Variants in CTNNA3 observed in about 807,000 individuals in gnomAD.
CTNNA3 encodes the protein catenin alpha-3.
Under a neutral mutation model 95.7 loss-of-function variants are expected in CTNNA3, and 76 were observed. The ratio of observed to expected loss-of-function variants is 0.79; its 90% CI spans 0.66 to 0.96. CTNNA3 has a LOEUF of 0.96. Ranked by LOEUF, CTNNA3 falls within the 40% of genes least tolerant of loss-of-function variation. The pLI is 0.00. For missense variants in CTNNA3, 1,191 were observed against 1,089.8 expected, an observed-to-expected ratio of 1.09 and a Z score of -1.31; for synonymous variants, 431 against 374.4, an observed-to-expected ratio of 1.15 and a Z score of -1.74.
intron 13 of CTNNA3, among the ~76,000 whole-genome samples, chr10:66,264,636 C>T (rs971590686): frequency 6.6e-6 from 1 of 151,916 alleles, no homozygotes; most frequent in Admixed American, 6.6e-5. Context: ...TTACATGGCA[C>T]ATCTCATTTC....
At chr10:67,173,568 C>G (rs901530678) in intron 7 of CTNNA3, among the ~76,000 whole-genome samples, 2 of 152,156 alleles carry the variant, frequency 1.3e-5, no homozygotes, top group African/African-American at 2.4e-5. Flanking sequence ...CAAGTCTGTT[C>G]TAGTGTATAT....
chr10:66,976,640 T>A (rs1047298861), intron 7 of CTNNA3, among the ~76,000 whole-genome samples: 1 of 152,208 alleles, frequency 6.6e-6, no homozygotes, highest in African/African-American at 2.4e-5. Context: ...TCAATACTAA[T>A]CAAACTTACT....
intron 7 of CTNNA3, among the ~76,000 whole-genome samples, chr10:67,133,257 G>A (rs993059734): frequency 1.0e-4 from 15 of 145,974 alleles, no homozygotes; most frequent in African/African-American, 3.5e-4. Flanking sequence ...ATATATGCTT[G>A]ATACCTAAAT....
chr10:67,230,539 T>G (rs553912416), intron 5 of CTNNA3, among the ~76,000 whole-genome samples: 7 of 152,088 alleles, frequency 4.6e-5, no homozygotes, highest in Non-Finnish European at 7.4e-5. Context: ...TCACAATCCG[T>G]AATCTGACAA....
At chr10:67,274,875 GAAC>G (rs1245876459) in intron 5 of CTNNA3, among the ~76,000 whole-genome samples, 1 of 151,912 alleles carries the variant, frequency 6.6e-6, no homozygotes, top group Non-Finnish European at 1.5e-5. Flanking sequence ...AATCAGATTT[GAAC>G]AACATGATTA....
At chr10:67,603,310 A>G (rs1169292644) in intron 3 of CTNNA3, among the ~76,000 whole-genome samples, 2 of 152,218 alleles carry the variant, frequency 1.3e-5, no homozygotes, top group Admixed American at 1.3e-4. Flanking sequence ...AGATGCGTAC[A>G]TGACGGTGGT....
At chr10:66,018,080 A>T (rs2079128886) in intron 15 of CTNNA3, among the ~76,000 whole-genome samples, 1 of 151,970 alleles carries the variant, frequency 6.6e-6, no homozygotes, top group Admixed American at 6.6e-5. Flanking sequence ...AACAAGTGTG[A>T]CATGATCGAA....
At chr10:66,424,208 AT>A (rs893260855) in intron 11 of CTNNA3, among the ~76,000 whole-genome samples, 12 of 152,214 alleles carry the variant, frequency 7.9e-5, no homozygotes, top group Non-Finnish European at 1.8e-4. Context: ...AAAAAAAATT[AT>A]TCAGTCCTGC....
At chr10:66,279,463 G>T (rs2091456662) in intron 13 of CTNNA3, among the ~76,000 whole-genome samples, 1 of 152,080 alleles carries the variant, frequency 6.6e-6, no homozygotes, top group African/African-American at 2.4e-5. Context: ...GGCCACAAAA[G>T]CTTGATTGGC....
chr10:66,868,803 G>A (rs939385186), intron 7 of CTNNA3, among the ~76,000 whole-genome samples: 7 of 151,522 alleles, frequency 4.6e-5, no homozygotes, highest in Non-Finnish European at 1.0e-4. Flanking sequence ...AACTTACTGT[G>A]AGCATAGAGG....
chr10:66,701,641 A>G (rs1303251411), intron 9 of CTNNA3, among the ~76,000 whole-genome samples: 1 of 152,200 alleles, frequency 6.6e-6, no homozygotes, highest in Non-Finnish European at 1.5e-5. Context: ...ACTAATTTCA[A>G]TTACTCTTAA....
At chr10:67,555,072 C>T (rs184396729) in intron 3 of CTNNA3, among the ~76,000 whole-genome samples, 78 of 151,436 alleles carry the variant, frequency 5.2e-4, no homozygotes, top group African/African-American at 1.7e-3. Context: ...TGTACATGTG[C>T]GGTATTATTT....
intron 5 of CTNNA3, among the ~76,000 whole-genome samples, chr10:67,331,853 T>G (rs2616702): frequency 6.6e-6 from 1 of 152,224 alleles, no homozygotes; most frequent in South Asian, 2.1e-4. Context: ...TCAAACATAA[T>G]GTCTTCCCAG....
intron 7 of CTNNA3, among the ~76,000 whole-genome samples, chr10:66,953,993 T>G (rs1848668497): frequency 6.6e-6 from 1 of 152,170 alleles, no homozygotes; most frequent in Admixed American, 6.5e-5. Flanking sequence ...ACAAAATAAT[T>G]AGAACAAAGC....
At chr10:67,717,758 T>C (rs1396798375) in intron 1 of CTNNA3, among the ~76,000 whole-genome samples, 2 of 152,204 alleles carry the variant, frequency 1.3e-5, no homozygotes, top group African/African-American at 4.8e-5. Context: ...GCATGATGCC[T>C]CCAGCTTTGT....
intron 7 of CTNNA3, among the ~76,000 whole-genome samples, chr10:66,907,535 G>C (rs1159637581): frequency 6.6e-6 from 1 of 152,066 alleles, no homozygotes; most frequent in Admixed American, 6.6e-5. Flanking sequence ...CTTATTTTGA[G>C]AGGATTTCCA....
At chr10:65,934,798 A>G (rs2077309902) in intron 17 of CTNNA3, among the ~76,000 whole-genome samples, 1 of 152,082 alleles carries the variant, frequency 6.6e-6, no homozygotes, top group Non-Finnish European at 1.5e-5. Context: ...TAAGTAAAAG[A>G]TCTTGGGCAC....
chr10:66,044,610 C>T (rs1411991989), intron 15 of CTNNA3, among the ~76,000 whole-genome samples: 2 of 151,960 alleles, frequency 1.3e-5, no homozygotes, highest in Non-Finnish European at 2.9e-5. Context: ...TGTTTTTATC[C>T]TTTTTCTGTC....
At chr10:65,955,170 A>C (rs1780345067) in intron 17 of CTNNA3, among the ~76,000 whole-genome samples, 1 of 152,194 alleles carries the variant, frequency 6.6e-6, no homozygotes, top group African/African-American at 2.4e-5. Flanking sequence ...GAGTTCACTC[A>C]TGATTTGGCT....
Sources: gnomAD v4.1 joint callset for allele counts (sites outside exome capture counted in the v4.1 genomes callset) on GRCh38, gnomAD v4.1.1 for gene constraint, MANE v1.5 for transcripts, NCBI Gene and HGNC (gene_info 2026-07-23, HGNC 2026-07-21) for gene names.